The following NFIB variants were observed in gnomAD, a reference collection of about 807,000 sequenced individuals.
NFIB encodes nuclear factor 1 B-type.
In NFIB, 11 loss-of-function variants were observed where a neutral mutation model predicts 61.5. The observed-to-expected ratio is 0.18, with a 90% CI of 0.11 to 0.30. NFIB has a LOEUF of 0.30. Ranked by LOEUF, NFIB falls within the 10% of genes least tolerant of loss-of-function variation. NFIB has a pLI of 1.00. For synonymous variants in NFIB, 260 were observed against 216.5 expected (o/e 1.20, Z -1.76); for missense variants, 471 against 608.9 (o/e 0.77, Z 2.38).
intron 1 of NFIB, among the ~76,000 whole-genome samples, chr9:14,385,541 G>A (rs148319963): frequency 3.9e-5 from 6 of 152,092 alleles, no homozygotes; most frequent in East Asian, 1.9e-4. Flanking sequence ...TTGAAATGTC[G>A]CATATGTTAA....
chr9:14,399,891 C>T (rs1388369309), upstream of NFIB, among the ~76,000 whole-genome samples: 2 of 151,936 alleles, frequency 1.3e-5, no homozygotes, highest in East Asian at 3.9e-4. Flanking sequence ...CAGAGTATTG[C>T]CCAAATGCAC....
At chr9:14,516,123 A>G in the NFIB span, among the ~76,000 whole-genome samples, 1 of 152,204 alleles carries the variant, frequency 6.6e-6, no homozygotes, top group Non-Finnish European at 1.5e-5. Flanking sequence ...TTTGCAGACA[A>G]TTGCCTCGAA....
At chr9:14,160,831 C>CAAAAAAAAAAAAAAAA (rs36063048) in intron 3 of NFIB, among the ~76,000 whole-genome samples, 1 of 96,328 alleles carries the variant, frequency 1.0e-5, no homozygotes, top group Non-Finnish European at 2.0e-5. Flanking sequence ...AAGGAAATCT[C>CAAAAAAAAAAAAAAAA]AAAAAAAAAA....
the NFIB span, among the ~76,000 whole-genome samples, chr9:14,462,291 CT>C: frequency 1.4e-5 from 2 of 147,856 alleles, no homozygotes; most frequent in Admixed American, 1.3e-4. Context: ...TTTCTTTTTT[CT>C]TTTTTTTTCA....
intron 2 of NFIB, among the ~76,000 whole-genome samples, chr9:14,279,985 GC>G (rs1178434548): frequency 6.6e-6 from 1 of 152,120 alleles, no homozygotes; most frequent in Non-Finnish European, 1.5e-5. Context: ...CAGCTGAAGT[GC>G]CCATTCCAAT....
chr9:14,396,996 C>G (rs2061693684), intron 1 of NFIB, among the ~76,000 whole-genome samples: 1 of 152,132 alleles, frequency 6.6e-6, no homozygotes, highest in South Asian at 2.1e-4. Context: ...ATTCTAAAAA[C>G]TAAGTAGGAT....
chr9:14,193,160 T>C (rs919261779), intron 2 of NFIB, among the ~76,000 whole-genome samples: 17 of 151,190 alleles, frequency 1.1e-4, no homozygotes, highest in African/African-American at 3.4e-4. Flanking sequence ...CTCAATGCCA[T>C]GTTCTAAATA....
chr9:14,309,480 C>T (rs1020636971), intron 1 of NFIB, among the ~76,000 whole-genome samples: 1 of 152,168 alleles, frequency 6.6e-6, no homozygotes, highest in African/African-American at 2.4e-5. Flanking sequence ...GAGGCATACC[C>T]AAATGCCATA....
At chr9:14,225,836 T>A (rs1035735801) in intron 2 of NFIB, among the ~76,000 whole-genome samples, 5 of 152,182 alleles carry the variant, frequency 3.3e-5, no homozygotes, top group African/African-American at 1.2e-4. Context: ...TGTTTTTTAA[T>A]GATTTTTTTC....
intron 6 of NFIB, among the ~76,000 whole-genome samples, chr9:14,132,535 A>G (rs1020841458): frequency 6.6e-6 from 1 of 151,616 alleles, no homozygotes; most frequent in Admixed American, 6.6e-5. Context: ...TTTCCTTTCT[A>G]TCTTTTATTA....
chr9:14,313,958 G>A lies in NFIB; in HGVS notation c.-447C>T, dbSNP rs1388283452. The A allele has an allele frequency of 2.8e-6, 3 of 1,060,776 alleles. No homozygotes were observed. Among genetic ancestry groups the A allele is most frequent in the Non-Finnish European group, 3.4e-6 (3 of 878,840 alleles). The allele number at this position is 1,060,776 out of a possible 1,614,324, so 65.7% of individuals were successfully genotyped here. A position where few individuals can be genotyped will look rare whatever the true frequency, so the allele number is the denominator to read the frequency against. On this transcript the variant is annotated 5_prime_UTR_variant, in exon 1 of 11. Coordinates refer to ENST00000380953, the MANE Select transcript of NFIB (RefSeq NM_001190737.2). This position sits in a 1 kb window ranked among gnomAD's most constrained non-coding sequence, Gnocchi z 4.5. ...TTTCAAAAAAGGCGGGGAGGGGGGC[G>A]CGGGAGGGCGCAGGAGGGCGAGCGG...
chr9:14,500,009 C>G, the NFIB span, among the ~76,000 whole-genome samples: 141 of 152,202 alleles, frequency 9.3e-4, 2 homozygotes, highest in Non-Finnish European at 4.0e-4. Context: ...TAGTACCCGT[C>G]GGAGAGCGGG....
chr9:14,134,527 A>G (rs570981729), intron 6 of NFIB, among the ~76,000 whole-genome samples: 2 of 152,300 alleles, frequency 1.3e-5, no homozygotes, highest in Non-Finnish European at 2.9e-5. Flanking sequence ...AAAACTATCT[A>G]AATATTCATC....
At chr9:14,467,585 ATTAT>A in the NFIB span, among the ~76,000 whole-genome samples, 1 of 152,148 alleles carries the variant, frequency 6.6e-6, no homozygotes, top group Non-Finnish European at 1.5e-5. Context: ...TTCAATATTT[ATTAT>A]TTATTTATTC....
At chr9:14,294,411 G>A (rs2059291029) in intron 2 of NFIB, among the ~76,000 whole-genome samples, 1 of 152,214 alleles carries the variant, frequency 6.6e-6, no homozygotes, top group Non-Finnish European at 1.5e-5. Flanking sequence ...TAAATCATAA[G>A]TGTAAGCAAA....
At chr9:14,092,433 C>T (rs947065157) in intron 10 of NFIB, among the ~76,000 whole-genome samples, 1 of 152,030 alleles carries the variant, frequency 6.6e-6, no homozygotes, top group African/African-American at 2.4e-5. Flanking sequence ...TATGAGGAAA[C>T]TGAGGCAAGT....
At chr9:14,280,884 T>C (rs2058330477) in intron 2 of NFIB, among the ~76,000 whole-genome samples, 3 of 152,190 alleles carry the variant, frequency 2.0e-5, no homozygotes, top group South Asian at 2.1e-4. Flanking sequence ...TTATATGTTA[T>C]ATAGTTGTGA....
chr9:14,172,742 C>G (rs938513577), intron 3 of NFIB, among the ~76,000 whole-genome samples: 1 of 152,038 alleles, frequency 6.6e-6, no homozygotes, highest in South Asian at 2.1e-4. Flanking sequence ...TCATCTTAAG[C>G]CTTTAGAGAA....
intron 10 of NFIB, among the ~76,000 whole-genome samples, chr9:14,092,618 A>G (rs926287876): frequency 7.9e-5 from 12 of 152,120 alleles, no homozygotes; most frequent in African/African-American, 2.7e-4. Context: ...TTCAGGAGAC[A>G]GTGAACTTTT....
Sources: gnomAD v4.1 joint callset for allele counts (sites outside exome capture counted in the v4.1 genomes callset) on GRCh38, gnomAD v4.1.1 for gene constraint, Gnocchi (gnomAD v3.1) non-coding constraint, MANE v1.5 for transcripts, NCBI Gene and HGNC (gene_info 2026-07-23, HGNC 2026-07-21) for gene names.